The following SLC9A9 variants were observed in gnomAD, a reference collection of about 807,000 sequenced individuals.
SLC9A9 encodes the protein sodium/hydrogen exchanger 9.
SLC9A9 carries 62 observed loss-of-function variants against 77.8 expected under a neutral mutation model. The ratio of observed to expected loss-of-function variants is 0.80; its 90% confidence interval spans 0.65 to 0.98. SLC9A9 has a LOEUF of 0.98. Among genes scored for constraint, SLC9A9 ranks in the 50% least tolerant of loss-of-function variants. SLC9A9 has a pLI of 0.00. For missense variants in SLC9A9, 775 were observed against 774.9 expected (o/e 1.00, Z 0.00); for synonymous variants, 320 against 283.5 (o/e 1.13, Z -1.29).
rs114948056 is a variant in SLC9A9 at position 143,410,936 on chromosome 3, T to C, written c.1470-28822A>G. Among the ~76,000 whole-genome samples, 1,003 of 152,314 alleles carry C rather than the reference T, an allele frequency of 6.6e-3. 5 individuals are homozygous for C. Among genetic ancestry groups the C allele is most frequent in the Middle Eastern group, 0.031 (9 of 294 alleles). ...ATAATGTTTCTTAATTTGCAAGTAA[T>C]TAAACCTTTTTTGGTAATCATTTGT... is the stretch of plus-strand genomic sequence containing the variant. On this transcript the variant is annotated intron_variant, in intron 12 of 15. Transcript: ENST00000316549.
chr3:143,663,422 C>A (rs753232728), intron 5 of SLC9A9, among the ~76,000 whole-genome samples: 8 of 152,250 alleles, frequency 5.3e-5, no homozygotes, highest in Admixed American at 3.3e-4. Flanking sequence ...CAAAGAATCG[C>A]AGCTTCTCGC....
intron 14 of SLC9A9, among the ~76,000 whole-genome samples, chr3:143,349,456 G>A (rs998577035): frequency 6.6e-6 from 1 of 152,182 alleles, no homozygotes. Flanking sequence ...ATAATAACAA[G>A]AGCAGCCCTT....
intron 5 of SLC9A9, among the ~76,000 whole-genome samples, chr3:143,657,026 C>T (rs1335707083): frequency 2.0e-5 from 3 of 152,058 alleles, no homozygotes; most frequent in Non-Finnish European, 4.4e-5. Flanking sequence ...GAGAGGCTTT[C>T]AAAAAAGTTG....
intron 4 of SLC9A9, among the ~76,000 whole-genome samples, chr3:143,706,961 C>G (rs1369699166): frequency 1.3e-5 from 2 of 151,978 alleles, no homozygotes; most frequent in African/African-American, 2.4e-5. Flanking sequence ...TTTTTGGTCC[C>G]CAGTCTGAAA....
chr3:143,573,782 A>G (rs1039195954), intron 8 of SLC9A9, among the ~76,000 whole-genome samples: 6 of 152,160 alleles, frequency 3.9e-5, no homozygotes. Context: ...CTCTCAATGA[A>G]GACTTCCATT....
At chr3:143,772,180 T>C (rs2007546597) in intron 4 of SLC9A9, among the ~76,000 whole-genome samples, 2 of 152,022 alleles carry the variant, frequency 1.3e-5, no homozygotes. Context: ...GGTGTAGAAG[T>C]GAAGTGTGTG....
chr3:143,580,295 T>G (rs568825037), intron 6 of SLC9A9, among the ~76,000 whole-genome samples: 9 of 152,208 alleles, frequency 5.9e-5, no homozygotes, highest in Non-Finnish European at 1.3e-4. Context: ...CCATTTGCAT[T>G]CTGCCCTTCA....
intron 1 of SLC9A9, among the ~76,000 whole-genome samples, chr3:143,838,431 G>A (rs575724504): frequency 1.5e-4 from 23 of 150,444 alleles, no homozygotes; most frequent in East Asian, 3.9e-4. Flanking sequence ...TTGGCAAGGT[G>A]GTCGGCAAGG....
At chr3:143,572,296 GGT>G (rs71629562) in intron 8 of SLC9A9, among the ~76,000 whole-genome samples, 10,069 of 148,364 alleles carry the variant, frequency 0.068, 465 homozygotes, top group South Asian at 0.14. Context: ...CTTAGGCAAT[GGT>G]GTGTGTGTGT....
At position 143,467,179 on chromosome 3, in the gene SLC9A9, C is replaced by T. The variant is rs1404482909; in HGVS notation, c.1327G>A (p.Ala443Thr). The change falls in exon 12 of 16, where the codon GCG becomes ACG. Residue 443 changes from alanine to threonine, a missense_variant. By Grantham distance (58) the Ala-to-Thr change is moderately conservative. Transcript: ENST00000316549. ...HMMMFSGLRGAIAFALAIRNT... is the reference protein window; with the variant it reads ...HMMMFSGLRGTIAFALAIRNT... The stretch of plus-strand genomic sequence containing the variant: ...CGAATAGCTAAGGCAAATGCGATCG[C>T]TCCTCGCAAACCTTGCAGGAAAAAC... The T allele has an allele frequency of 6.2e-7, 1 of 1,614,166 alleles. No individual in the cohort carries two copies. The highest frequency in any genetic ancestry group is 1.7e-5 in the Admixed American group (1 of 60,032).
chr3:143,452,868 G>A (rs1383034023), intron 12 of SLC9A9, among the ~76,000 whole-genome samples: 1 of 152,152 alleles, frequency 6.6e-6, no homozygotes, highest in African/African-American at 2.4e-5. Context: ...GGTTATCTAA[G>A]AGAATGTCCT....
chr3:143,711,604 A>C (rs993076421), intron 4 of SLC9A9, among the ~76,000 whole-genome samples: 14 of 150,622 alleles, frequency 9.3e-5, no homozygotes, highest in African/African-American at 3.4e-4. Context: ...TTTTTAAAGA[A>C]GAGGACTCAG....
At chr3:143,441,034 T>G (rs770025871) in intron 12 of SLC9A9, among the ~76,000 whole-genome samples, 1 of 152,238 alleles carries the variant, frequency 6.6e-6, no homozygotes, top group Non-Finnish European at 1.5e-5. Context: ...TGCTGACATA[T>G]TCTTGTTAAC....
At chr3:143,336,953 T>C (rs2031944131) in intron 14 of SLC9A9, among the ~76,000 whole-genome samples, 2 of 152,156 alleles carry the variant, frequency 1.3e-5, no homozygotes, top group Non-Finnish European at 2.9e-5. Flanking sequence ...TTAGCTTCAG[T>C]TATCTGGAAA....
chr3:143,712,093 G>A (rs1033062538), intron 4 of SLC9A9, among the ~76,000 whole-genome samples: 14 of 152,156 alleles, frequency 9.2e-5, no homozygotes, highest in African/African-American at 3.4e-4. Flanking sequence ...AACGTACACC[G>A]TTCTGCAAGT....
chr3:143,436,897 G>T (rs1426171656), intron 12 of SLC9A9, among the ~76,000 whole-genome samples: 1 of 152,134 alleles, frequency 6.6e-6, no homozygotes, highest in Non-Finnish European at 1.5e-5. Flanking sequence ...ACTTTTCTTT[G>T]ATGTGTCCAC....
intron 13 of SLC9A9, among the ~76,000 whole-genome samples, chr3:143,364,168 A>G (rs568268120): frequency 2.0e-5 from 3 of 152,226 alleles, no homozygotes; most frequent in South Asian, 4.1e-4. Context: ...AATTAAAGAC[A>G]AAAGAGGAAG....
rs192673201 is a variant in SLC9A9 at position 143,467,259 on chromosome 3, T to C, written c.1316-69A>G. On this transcript the variant is annotated intron_variant, in intron 11 of 15. Transcript: ENST00000316549. ...TCTTTTTCATTTCAATGGATTCATCTTTACAATTTGCTGACACAATTTTTT... is the reference window on the plus strand; with the variant it reads ...TCTTTTTCATTTCAATGGATTCATCCTTACAATTTGCTGACACAATTTTTT... The C allele has an allele frequency of 7.4e-5, 116 of 1,577,996 alleles. 1 individual carries two copies. The East Asian group carries it at 2.2e-3, about 30-fold the overall frequency.
intron 9 of SLC9A9, chr3:143,518,267 C>T: frequency 2.0e-6 from 3 of 1,496,400 alleles, no homozygotes; most frequent in Non-Finnish European, 2.8e-6. Context: ...GGGCTGCAGC[C>T]CGGTTCCAGG....
Sources: gnomAD v4.1 joint callset for allele counts (sites outside exome capture counted in the v4.1 genomes callset) on GRCh38, gnomAD v4.1.1 for gene constraint, MANE v1.5 for transcripts, NCBI Gene and HGNC (gene_info 2026-07-23, HGNC 2026-07-21) for gene names.